Variants in NISCH observed in about 807,000 individuals in gnomAD.
The protein encoded by NISCH is I-1 receptor candidate protein.
A neutral mutation model predicts 138.4 loss-of-function variants in NISCH; 55 were observed. That is an observed-to-expected ratio of 0.40 (90% confidence interval 0.32 to 0.50). The LOEUF is 0.50. Ranked by LOEUF, NISCH falls within the 20% of genes least tolerant of loss-of-function variation. The pLI, the probability that NISCH is intolerant of heterozygous loss-of-function variation, is 0.71. For synonymous variants in NISCH, 860 were observed against 861.5 expected, an observed-to-expected ratio of 1.00 and a Z score of 0.03; for missense variants, 1,643 against 2,005.5, an observed-to-expected ratio of 0.82 and a Z score of 3.45.
Position 52,492,492 on chromosome 3 carries a change from C to A in NISCH, c.*10C>A. 1 of 1,582,490 alleles carries A rather than the reference C, an allele frequency of 6.3e-7. No individual in the cohort carries two copies. Among genetic ancestry groups the A allele is most frequent in the Middle Eastern group, 1.7e-4 (1 of 5,922 alleles). ...CGAGCTCACCGGCTAGCCCAGGCCA[C>A]AGCCAGCCTGTCGTGTCCAGCCTGA... On this transcript the variant is annotated 3_prime_UTR_variant, in exon 21 of 21. Coordinates refer to ENST00000345716, the MANE Select transcript of NISCH (RefSeq NM_007184.4).
intron 13 of NISCH, among the ~76,000 whole-genome samples, chr3:52,482,238 C>G (rs1707294696): frequency 6.6e-6 from 1 of 152,194 alleles, no homozygotes; most frequent in Non-Finnish European, 1.5e-5. Context: ...TTTGCTGACC[C>G]ATGCCTGTTG....
intron 19 of NISCH, 83 bp from the exon 20 acceptor site, chr3:52,491,269 T>C: frequency 6.6e-7 from 1 of 1,514,188 alleles, no homozygotes; most frequent in Non-Finnish European, 8.8e-7. Flanking sequence ...TGAGGCTTGC[T>C]AGGGACTCGG....
intron 3 of NISCH, among the ~76,000 whole-genome samples, chr3:52,459,775 C>G (rs1465162568): frequency 6.6e-6 from 1 of 151,802 alleles, no homozygotes; most frequent in African/African-American, 2.4e-5. Flanking sequence ...ATGAGAATTT[C>G]TTCTAAGGAA....
At position 52,463,739 on chromosome 3, in the gene NISCH, T is replaced by TC. The variant is rs1491329468; in HGVS notation, c.360+4896dup. Among the ~76,000 whole-genome samples the TC allele has an allele frequency of 1.8e-4, 13 of 73,070 alleles. 1 individual carries two copies. The highest frequency in any genetic ancestry group is 0.016 in the Middle Eastern group (2 of 122). 47.9% of individuals were successfully genotyped at this position (73,070 alleles called of 152,430 possible). A position where few individuals can be genotyped will look rare whatever the true frequency, so the allele number is the denominator to read the frequency against. On this transcript the variant is annotated intron_variant, in intron 3 of 20. Coordinates refer to ENST00000345716, the MANE Select transcript of NISCH (RefSeq NM_007184.4). ...CTTTTTTTTTTTTTTTTTTTTTTTT[T>TC]CTGAGACAGAGTCTCGCTCTGTCGC...
chr3:52,477,512 C>A (rs1229823450), intron 8 of NISCH, 62 bp from the exon 9 acceptor site: 12 of 1,423,950 alleles, frequency 8.4e-6, no homozygotes, highest in South Asian at 2.3e-5. Flanking sequence ...TCCACTGTGT[C>A]GGGGACCGTG....
At chr3:52,473,862 G>A (rs1361916327) in intron 7 of NISCH, 33 bp downstream of exon 7, 1 of 1,471,248 alleles carries the variant, frequency 6.8e-7, no homozygotes, top group South Asian at 1.2e-5. Context: ...CTGGGGCAAT[G>A]TCTGTGGATC....
At chr3:52,471,711 G>A in intron 4 of NISCH, 103 bp from the exon 5 acceptor site, 1 of 1,392,334 alleles carries the variant, frequency 7.2e-7, no homozygotes, top group Non-Finnish European at 1.0e-6. Context: ...CTGACACAGT[G>A]GGTGCTTGCC....
chr3:52,466,999 C>CTTTT (rs11457136), intron 3 of NISCH, among the ~76,000 whole-genome samples: 3 of 122,744 alleles, frequency 2.4e-5, no homozygotes, highest in Non-Finnish European at 4.9e-5. Flanking sequence ...GTTTCTTTTT[C>CTTTT]TTTTTTTTTT....
intron 9 of NISCH, 84 bp from the exon 10 acceptor site, chr3:52,478,013 A>G: frequency 7.0e-7 from 1 of 1,429,054 alleles, no homozygotes; most frequent in Non-Finnish European, 9.7e-7. Flanking sequence ...TTGGGTTGGA[A>G]GGCCCATCCT....
intron 4 of NISCH, 108 bp downstream of exon 4, chr3:52,471,015 C>G: frequency 1.8e-6 from 2 of 1,101,192 alleles, no homozygotes; most frequent in Non-Finnish European, 2.8e-6. Context: ...ACCTACCTCC[C>G]CTGTAGGTGG....
At position 52,490,062 on chromosome 3, in the gene NISCH, C is replaced by T. The variant is rs373896370; in HGVS notation, c.3457-13C>T. On this transcript the variant is annotated splice_polypyrimidine_tract_variant and intron_variant, in intron 17 of 20. Coordinates refer to ENST00000345716, the MANE Select transcript of NISCH (RefSeq NM_007184.4). ...TAGGGTGGTGGAGCTGACAGGAGGC[C>T]CCCCGTCTTCAGGTTGAAAACGAGG... 1.9e-6 allele frequency: 3 copies of T among 1,613,146 alleles called. No homozygotes were observed. The highest frequency in any genetic ancestry group is 2.2e-5 in the South Asian group (2 of 91,026).
chr3:52,458,053 T>G, intron 2 of NISCH, 127 bp downstream of exon 2: 1 of 665,974 alleles, frequency 1.5e-6, no homozygotes, highest in Non-Finnish European at 2.7e-6. Context: ...ATAAACCACT[T>G]TGTTAATATA....
rs770716418 is a variant in NISCH, at chr3:52,489,646, A to G, written c.3424A>G (p.Ile1142Val). The G allele has an allele frequency of 3.7e-6, 6 of 1,612,800 alleles. No individual in the cohort carries two copies. Among genetic ancestry groups the G allele is most frequent in the South Asian group, 3.3e-5 (3 of 91,044 alleles). ...RHVASLRGSAIIELFHSSIAE... is the reference protein window; with the variant it reads ...RHVASLRGSAVIELFHSSIAE... ...CGTCGCCAGCCTGCGGGGCAGCGCCATCATCGAGCTCTTCCACAGCAGCAT... is the reference window on the plus strand; with the variant it reads ...CGTCGCCAGCCTGCGGGGCAGCGCCGTCATCGAGCTCTTCCACAGCAGCAT... Residue 1142 changes from isoleucine to valine, a missense_variant, in exon 17 of 21, where the codon ATC becomes GTC. Transcript: ENST00000345716.
chr3:52,460,400 ATTTTTTT>A (rs60949920), intron 3 of NISCH, among the ~76,000 whole-genome samples: 2 of 114,438 alleles, frequency 1.7e-5, no homozygotes, highest in Admixed American at 9.0e-5. Flanking sequence ...TGGCTGTACT[ATTTTTTT>A]TTTTTTTTTT....
chr3:52,463,263 C>T (rs1420971050), intron 3 of NISCH, among the ~76,000 whole-genome samples: 1 of 152,180 alleles, frequency 6.6e-6, no homozygotes, highest in African/African-American at 2.4e-5. Context: ...TTTCAAGGTC[C>T]GTTCATATTG....
At chr3:52,491,016 G>T (rs1485358693) in intron 19 of NISCH, among the ~76,000 whole-genome samples, 183 bp downstream of exon 19, 3 of 152,240 alleles carry the variant, frequency 2.0e-5, no homozygotes, top group Non-Finnish European at 4.4e-5. Context: ...CACGCTCCAG[G>T]GCTCAGAGCA....
chr3:52,478,039 C>A, intron 9 of NISCH, 58 bp from the exon 10 acceptor site: 2 of 1,569,380 alleles, frequency 1.3e-6, no homozygotes, highest in Admixed American at 1.7e-5. Flanking sequence ...TAGTGTCAGG[C>A]CCCTATCTTT....
intron 14 of NISCH, among the ~76,000 whole-genome samples, chr3:52,485,194 T>G (rs945446195): frequency 6.6e-6 from 1 of 152,166 alleles, no homozygotes; most frequent in East Asian, 1.9e-4. Flanking sequence ...TGCTGTGTGC[T>G]TCGCAAATGT....
At chr3:52,478,324 G>A in intron 10 of NISCH, 42 bp downstream of exon 10, 1 of 1,609,262 alleles carries the variant, frequency 6.2e-7, no homozygotes, top group Non-Finnish European at 8.5e-7. Context: ...TCTGTGCCTT[G>A]GTGTGTATCA....
Sources: gnomAD v4.1 joint callset for allele counts (sites outside exome capture counted in the v4.1 genomes callset) on GRCh38, gnomAD v4.1.1 for gene constraint, MANE v1.5 for transcripts, NCBI Gene and HGNC (gene_info 2026-07-23, HGNC 2026-07-21) for gene names.